The following FOXO3 variants were observed in gnomAD, a reference collection of about 807,000 sequenced individuals.
FOXO3 encodes the protein forkhead box O3, also known as forkhead box protein O3.
A neutral mutation model predicts 41.9 loss-of-function variants in FOXO3; 4 were observed. That is an observed-to-expected ratio of 0.10 (90% CI 0.05 to 0.22). The LOEUF (loss-of-function observed/expected upper bound fraction) is 0.22. Among genes scored for constraint, FOXO3 ranks in the 10% least tolerant of loss-of-function variants. The probability of loss-of-function intolerance (pLI) is 1.00; values close to 1 mark genes in which losing one functional copy is unlikely to be tolerated. For synonymous variants in FOXO3, 318 were observed against 389.3 expected (o/e 0.82, Z 2.16); for missense variants, 534 against 906.8 (o/e 0.59, Z 5.28).
At chr6:108,669,848 C>G (rs542446522) in intron 2 of FOXO3, among the ~76,000 whole-genome samples, 1 of 152,300 alleles carries the variant, frequency 6.6e-6, no homozygotes, top group South Asian at 2.1e-4. Flanking sequence ...GGAGACAGAG[C>G]CTGAGTGGCT....
intron 1 of FOXO3, chr6:108,656,543 G>A: frequency 1.0e-6 from 1 of 983,732 alleles, no homozygotes; most frequent in Non-Finnish European, 1.2e-6. Context: ...AAAACAGTAA[G>A]TTAACATTTA....
intron 2 of FOXO3, among the ~76,000 whole-genome samples, chr6:108,678,799 G>A (rs1050064637): frequency 6.6e-6 from 1 of 151,234 alleles, no homozygotes; most frequent in Admixed American, 6.6e-5. Flanking sequence ...AGGCTGAGAC[G>A]GAAGGATCTC....
rs760724918 is a variant in FOXO3 at position 108,561,440 on chromosome 6, G to A, written c.232G>A (p.Ala78Thr). The A allele has an allele frequency of 7.8e-6, 12 of 1,534,648 alleles. No individual in the cohort carries two copies. The highest frequency in any genetic ancestry group is 1.0e-5 in the Non-Finnish European group (12 of 1,143,388). ...DGGGRAGSAMAIGGGGGSGTL... is the reference protein window; with the variant it reads ...DGGGRAGSAMTIGGGGGSGTL... ...CGGGGGACGGGCCGGCTCGGCCATG[G>A]CGATCGGCGGCGGCGGCGGGAGCGG... is the stretch of plus-strand genomic sequence containing the variant. Residue 78 changes from alanine (A) to threonine (T), a missense_variant, in exon 1 of 3, where the codon GCG becomes ACG. By Grantham distance (58) the Ala-to-Thr change is moderately conservative. Around this residue, in one of 8 missense-constraint regions of FOXO3, gnomAD observed 139 missense variants for 163.7 expected, o/e 0.85. Coordinates refer to ENST00000406360, the MANE Select transcript of FOXO3 (RefSeq NM_001455.4).
rs1360186953 is a variant in FOXO3, at chr6:108,561,042, C to T, written c.-167C>T. Reference sequence around the variant, plus strand: ...ACTCGCCGAGGACGGGGCTCCGGCCCGGGATAACCAACTCTCCTTCTCTCT... The same window carrying T: ...ACTCGCCGAGGACGGGGCTCCGGCCTGGGATAACCAACTCTCCTTCTCTCT... On this transcript the variant is annotated 5_prime_UTR_variant, in exon 1 of 3. Coordinates refer to ENST00000406360, the MANE Select transcript of FOXO3 (RefSeq NM_001455.4). The T allele has an allele frequency of 1.2e-5, 17 of 1,398,256 alleles. No homozygotes were observed. The highest frequency in any genetic ancestry group is 3.0e-5 in the African/African-American group (2 of 65,574). The allele number at this position is 1,398,256 out of a possible 1,614,324, so 86.6% of individuals were successfully genotyped here.
At chr6:108,617,861 G>A (rs762258401) in intron 1 of FOXO3, 2 of 317,786 alleles carry the variant, frequency 6.3e-6, no homozygotes, top group Non-Finnish European at 1.2e-5. Flanking sequence ...AAAGAATGGA[G>A]AAGGAGGAAA....
chr6:108,662,264 C>T (rs904732608), intron 1 of FOXO3, among the ~76,000 whole-genome samples: 3 of 152,154 alleles, frequency 2.0e-5, no homozygotes. Context: ...AGGTGCCATT[C>T]TCATCATGTC....
intron 1 of FOXO3, among the ~76,000 whole-genome samples, chr6:108,622,256 CA>C (rs984779744): frequency 0.02 from 963 of 48,470 alleles, 7 homozygotes; most frequent in African/African-American, 0.058. Context: ...AAGACTGTCT[CA>C]AAAAAAAAAA....
chr6:108,612,978 GA>G (rs1423136794), intron 1 of FOXO3, among the ~76,000 whole-genome samples: 35 of 151,984 alleles, frequency 2.3e-4, no homozygotes, highest in African/African-American at 8.2e-4. Flanking sequence ...AGTGGATATT[GA>G]ATTTTGTCAG....
intron 1 of FOXO3, among the ~76,000 whole-genome samples, chr6:108,580,320 C>T (rs1267924773): frequency 1.3e-5 from 2 of 150,724 alleles, no homozygotes; most frequent in African/African-American, 4.9e-5. Flanking sequence ...TCCCAAGTAG[C>T]TGGGATTACA....
At chr6:108,666,695 C>T (rs1001932986) in intron 2 of FOXO3, among the ~76,000 whole-genome samples, 1 of 151,988 alleles carries the variant, frequency 6.6e-6, no homozygotes, top group Admixed American at 6.6e-5. Flanking sequence ...TCCTTATTCT[C>T]TCTAGCTGGT....
intron 1 of FOXO3, among the ~76,000 whole-genome samples, chr6:108,630,802 A>G (rs1317833912): frequency 2.0e-5 from 3 of 152,164 alleles, no homozygotes; most frequent in Non-Finnish European, 4.4e-5. Flanking sequence ...GAAAAACTAT[A>G]TTAGACCTTC....
At chr6:108,570,497 A>T (rs1450525240) in intron 1 of FOXO3, among the ~76,000 whole-genome samples, 1 of 151,610 alleles carries the variant, frequency 6.6e-6, no homozygotes, top group Non-Finnish European at 1.5e-5. Flanking sequence ...AGCTAATTTT[A>T]TGTTTTTTTT....
rs1207616793 is a variant in FOXO3 at position 108,663,936 on chromosome 6, G to A, written c.1103G>A (p.Arg368Gln). The change falls in exon 2 of 3, where the codon CGG becomes CAG. Residue 368 changes from arginine (R) to glutamine (Q), a missense_variant. Coordinates refer to ENST00000406360, the MANE Select transcript of FOXO3 (RefSeq NM_001455.4). ...VSKPCTVELP[R>Q]LTDMAGTMNL... ...AAGCCGTGCACGGTGGAACTGCCAC[G>A]GCTGACTGATATGGCAGGCACCATG... is the stretch of plus-strand genomic sequence containing the variant. 4 of 1,614,172 alleles carry A rather than the reference G, an allele frequency of 2.5e-6. No individual in the cohort carries two copies. The highest frequency in any genetic ancestry group is 2.5e-6 in the Non-Finnish European group (3 of 1,180,028).
rs146620281 is a variant in FOXO3, at chr6:108,626,593, T to A, written c.622-36862T>A. Among the ~76,000 whole-genome samples the A allele has an allele frequency of 8.2e-5, 12 of 146,544 alleles. 1 individual carries two copies. In the East Asian group the frequency reaches 2.5e-3, roughly 30 times the overall value. ...GCTCTGCCTTCTCAGATTATTTTGTTTCCAAGAATCACTGATTATATAGCT... is the reference window on the plus strand; with the variant it reads ...GCTCTGCCTTCTCAGATTATTTTGTATCCAAGAATCACTGATTATATAGCT... On this transcript the variant is annotated intron_variant, in intron 1 of 2. Transcript: ENST00000406360.
intron 1 of FOXO3, among the ~76,000 whole-genome samples, chr6:108,565,942 G>A (rs1200154821): frequency 6.6e-6 from 1 of 152,214 alleles, no homozygotes; most frequent in Non-Finnish European, 1.5e-5. Flanking sequence ...GTCACCTTTT[G>A]GAGTAACTCA....
chr6:108,623,662 A>G (rs1023131619), intron 1 of FOXO3, among the ~76,000 whole-genome samples: 1 of 152,256 alleles, frequency 6.6e-6, no homozygotes, highest in African/African-American at 2.4e-5. Context: ...CAGTCATAAC[A>G]AATGAAGTAT....
intron 1 of FOXO3, among the ~76,000 whole-genome samples, chr6:108,616,382 C>A (rs969349945): frequency 6.6e-6 from 1 of 151,894 alleles, no homozygotes; most frequent in Non-Finnish European, 1.5e-5. Flanking sequence ...AAGATGGTCT[C>A]GATCTCCTGA....
At chr6:108,615,653 G>T (rs1459267478) in intron 1 of FOXO3, among the ~76,000 whole-genome samples, 1 of 151,712 alleles carries the variant, frequency 6.6e-6, no homozygotes, top group Non-Finnish European at 1.5e-5. Context: ...TATTTCTTCA[G>T]ATTTTTTTTC....
At chr6:108,587,523 G>A (rs1300751582) in intron 1 of FOXO3, among the ~76,000 whole-genome samples, 1 of 152,128 alleles carries the variant, frequency 6.6e-6, no homozygotes, top group African/African-American at 2.4e-5. Context: ...ATATGTGTAT[G>A]TGTGCACACA....
Sources: gnomAD v4.1 joint callset for allele counts (sites outside exome capture counted in the v4.1 genomes callset) on GRCh38, gnomAD v4.1.1 for gene constraint, gnomAD v4.1.1 regional missense constraint, MANE v1.5 for transcripts, NCBI Gene and HGNC (gene_info 2026-07-23, HGNC 2026-07-21) for gene names.